Variants in ANOS1 observed in about 807,000 individuals in gnomAD.
ANOS1 encodes anosmin-1.
In ANOS1, 6 loss-of-function variants were observed where a neutral mutation model predicts 59.0. The observed-to-expected ratio is 0.10, with a 90% CI of 0.06 to 0.20. ANOS1 has a LOEUF of 0.20. ANOS1 is among the 10% of genes least tolerant of loss of function. The pLI is 1.00. For missense variants in ANOS1, 433 were observed against 542.3 expected, an observed-to-expected ratio of 0.80 and a Z score of 2.00; for synonymous variants, 217 against 223.4, an observed-to-expected ratio of 0.97 and a Z score of 0.25.
At chrX:8,569,317 T>C (rs1448897718) in intron 7 of ANOS1, among the ~76,000 whole-genome samples, 1 of 112,087 alleles carries the variant, frequency 8.9e-6, no homozygotes, top group African/African-American at 3.2e-5. Context: ...AATCCTTCAA[T>C]ATAAAAAATG....
chrX:8,663,484 A>G (rs2146873904), intron 2 of ANOS1, among the ~76,000 whole-genome samples: 1 of 111,626 alleles, frequency 9.0e-6, no homozygotes, highest in Admixed American at 9.5e-5. Flanking sequence ...GAAATTCTTG[A>G]GTTTGCAGGA....
intron 1 of ANOS1, among the ~76,000 whole-genome samples, chrX:8,731,280 T>C (rs1932974067): frequency 8.9e-6 from 1 of 112,099 alleles, no homozygotes. Context: ...TTGGCACAAG[T>C]ACCCTGGCTG....
At chrX:8,610,038 ACAAC>A (rs1569062435) in intron 3 of ANOS1, among the ~76,000 whole-genome samples, 28 of 47,083 alleles carry the variant, frequency 5.9e-4, no homozygotes, top group South Asian at 1.9e-3. Flanking sequence ...AAAAAAAACA[ACAAC>A]CTTTAAAGAG....
chrX:8,552,846 CATAAT>C (rs752164401), intron 9 of ANOS1, among the ~76,000 whole-genome samples: 1,359 of 108,886 alleles, frequency 0.012, 19 homozygotes, highest in African/African-American at 0.042. Context: ...GTAATATAGA[CATAAT>C]ATAATCTTAA....
chrX:8,615,943 T>C (rs1022141067), intron 3 of ANOS1, among the ~76,000 whole-genome samples: 1 of 111,090 alleles, frequency 9.0e-6, no homozygotes, highest in Non-Finnish European at 1.9e-5. Context: ...ATAATTTTCA[T>C]CTGCTTGTAA....
intron 2 of ANOS1, among the ~76,000 whole-genome samples, chrX:8,689,775 CA>C (rs1226656927): frequency 0.01 from 809 of 80,511 alleles, 8 homozygotes; most frequent in African/African-American, 0.03. Context: ...AAAAAAAAAA[CA>C]AAAAAAAAAA....
chrX:8,670,380 G>A (rs993265319), intron 2 of ANOS1, among the ~76,000 whole-genome samples: 2 of 111,236 alleles, frequency 1.8e-5, no homozygotes, highest in African/African-American at 3.3e-5. Flanking sequence ...GGATGCAGCC[G>A]AGAGTTGGGA....
chrX:8,622,368 T>C (rs1931308369), intron 3 of ANOS1, among the ~76,000 whole-genome samples: 1 of 111,925 alleles, frequency 8.9e-6, no homozygotes, highest in Non-Finnish European at 1.9e-5. Flanking sequence ...CAATACATAT[T>C]GATGAAGCCA....
intron 8 of ANOS1, among the ~76,000 whole-genome samples, chrX:8,563,386 T>C (rs948675689): frequency 8.9e-6 from 1 of 112,228 alleles, no homozygotes; most frequent in African/African-American, 3.2e-5. Flanking sequence ...TCAAATAGAT[T>C]TCTTTCATTT....
At chrX:8,644,374 A>G (rs974972833) in intron 2 of ANOS1, among the ~76,000 whole-genome samples, 1 of 110,795 alleles carries the variant, frequency 9.0e-6, no homozygotes, top group Non-Finnish European at 1.9e-5. Context: ...CAGCATTCAC[A>G]TTAGCATAGG....
At chrX:8,650,528 AC>A (rs757819498) in intron 2 of ANOS1, among the ~76,000 whole-genome samples, 1 of 112,051 alleles carries the variant, frequency 8.9e-6, no homozygotes, top group Admixed American at 9.5e-5. Flanking sequence ...GACTAGCCTG[AC>A]CAACATGGTG....
intron 9 of ANOS1, among the ~76,000 whole-genome samples, chrX:8,540,652 T>C (rs988862925): frequency 9.2e-6 from 1 of 108,505 alleles, no homozygotes. Context: ...ATTTTGCAGG[T>C]GATTTAACAT....
Position 8,545,409 on chromosome X carries a change from A to AAGGAAGGAAGGC in ANOS1, c.1355-5652_1355-5651insGCCTTCCTTCCT, listed in dbSNP as rs745936247. 7.8e-4 allele frequency among the ~76,000 whole-genome samples: 82 copies of AAGGAAGGAAGGC among 104,633 alleles called. No individual in the cohort carries two copies. In the East Asian group the frequency reaches 0.013, roughly 17 times the overall value. 90.9% of individuals were successfully genotyped at this position (104,633 alleles called of 115,157 possible). A position where few individuals can be genotyped will look rare whatever the true frequency, so the allele number is the denominator to read the frequency against. ...GAAGGAAGGAAGGAAGGAAGGAAGG[A>AAGGAAGGAAGGC]AGGCAGGCAGGCAGGCAGGCAGGCC... On this transcript the variant is annotated intron_variant, in intron 9 of 13. Transcript: ENST00000262648.
chrX:8,653,068 C>T (rs975478773), intron 2 of ANOS1, among the ~76,000 whole-genome samples: 3 of 109,911 alleles, frequency 2.7e-5, no homozygotes, highest in African/African-American at 6.6e-5. Flanking sequence ...GTTGGACAGG[C>T]TGGTCTCAAA....
chrX:8,609,027 G>C (rs917635989), intron 3 of ANOS1, among the ~76,000 whole-genome samples: 1 of 112,090 alleles, frequency 8.9e-6, no homozygotes, highest in East Asian at 2.8e-4. Flanking sequence ...TAGTTTCCTC[G>C]TTATGAACAA....
At chrX:8,632,991 T>C (rs1181299657) in intron 2 of ANOS1, among the ~76,000 whole-genome samples, 1 of 111,588 alleles carries the variant, frequency 9.0e-6, no homozygotes, top group Admixed American at 9.6e-5. Flanking sequence ...TTAGAAGTAT[T>C]CATGGCCTCC....
chrX:8,656,930 G>C (rs1378744233), intron 2 of ANOS1, among the ~76,000 whole-genome samples: 4 of 111,628 alleles, frequency 3.6e-5, no homozygotes, highest in Admixed American at 1.9e-4. Flanking sequence ...TCTAAACTTG[G>C]GATGTCCTGA....
At chrX:8,717,310 C>T (rs1932847118) in intron 1 of ANOS1, among the ~76,000 whole-genome samples, 1 of 111,839 alleles carries the variant, frequency 8.9e-6, no homozygotes, top group Non-Finnish European at 1.9e-5. Context: ...AAATCTATGG[C>T]TCCTGGATAA....
chrX:8,566,531 T>C (rs1216889855), intron 8 of ANOS1, among the ~76,000 whole-genome samples: 1 of 111,417 alleles, frequency 9.0e-6, no homozygotes, highest in Non-Finnish European at 1.9e-5. Context: ...TTACAGTATA[T>C]AGTGTATATA....
Sources: allele counts gnomAD v4.1 joint callset (sites outside exome capture counted in the v4.1 genomes callset), GRCh38; gene constraint gnomAD v4.1.1; transcripts MANE v1.5; gene names NCBI Gene and HGNC (gene_info 2026-07-23, HGNC 2026-07-21).